DSE: variants seen among roughly 807,000 people sequenced by gnomAD.
DSE encodes dermatan-sulfate epimerase.
A neutral mutation model predicts 84.4 loss-of-function variants in DSE; 36 were observed. That is an observed-to-expected ratio of 0.43 (90% CI 0.33 to 0.56). The LOEUF (loss-of-function observed/expected upper bound fraction) is 0.56. Among genes scored for constraint, DSE ranks in the 20% least tolerant of loss-of-function variants. The pLI, the probability that DSE is intolerant of heterozygous loss-of-function variation, is 0.06. For missense variants in DSE, 862 were observed against 1,169.6 expected (o/e 0.74, Z 3.84); for synonymous variants, 410 against 430.1 (o/e 0.95, Z 0.58).
At chr6:116,374,015 C>T (rs1006279763) in intron 1 of DSE, among the ~76,000 whole-genome samples, 16 of 152,132 alleles carry the variant, frequency 1.1e-4, no homozygotes, top group Admixed American at 3.9e-4. Flanking sequence ...AAAAGGAACT[C>T]CCAAAAGACT....
At chr6:116,279,371 C>A (rs374966911) in intron 2 of DSE, 2 of 1,612,480 alleles carry the variant, frequency 1.2e-6, no homozygotes, top group Non-Finnish European at 8.5e-7. Flanking sequence ...GTCTTCACCT[C>A]CTCCGCCTCA....
chr6:116,305,135 CT>C (rs796539743), intron 2 of DSE, among the ~76,000 whole-genome samples: 89 of 145,526 alleles, frequency 6.1e-4, no homozygotes, highest in East Asian at 1.2e-3. Context: ...TCAAACTTTC[CT>C]TTTTTTTTTT....
intron 2 of DSE, among the ~76,000 whole-genome samples, chr6:116,424,134 A>G (rs1487831972): frequency 1.3e-5 from 2 of 152,240 alleles, no homozygotes; most frequent in Non-Finnish European, 1.5e-5. Context: ...TAGATGCATC[A>G]TGACATGGTA....
chr6:116,345,186 A>C (rs1777873185), intron 2 of DSE, among the ~76,000 whole-genome samples: 1 of 152,152 alleles, frequency 6.6e-6, no homozygotes, highest in South Asian at 2.1e-4. Flanking sequence ...TCAACACCCC[A>C]CTGTCAACAT....
At chr6:116,301,001 T>A (rs1241078698) in intron 2 of DSE, among the ~76,000 whole-genome samples, 1 of 152,222 alleles carries the variant, frequency 6.6e-6, no homozygotes, top group Non-Finnish European at 1.5e-5. Flanking sequence ...GGTGAAATCA[T>A]CTTACTGTGT....
At chr6:116,431,490 C>T (rs1343659680) in intron 4 of DSE, among the ~76,000 whole-genome samples, 6 of 151,888 alleles carry the variant, frequency 4.0e-5, no homozygotes, top group African/African-American at 1.5e-4. Context: ...GAGTAATATA[C>T]GAACTCATCT....
rs918825276 is a variant in DSE at position 116,440,768 on chromosome 6, A to T, written c.*3423A>T. ...ACTGGGACATATGGTCATCTTTGTC[A>T]TAGCTTAATTCAGGAAAAAAGGAGT... is the stretch of plus-strand genomic sequence containing the variant. On this transcript the variant is annotated 3_prime_UTR_variant, in exon 6 of 6. Coordinates refer to ENST00000644252, the MANE Select transcript of DSE (RefSeq NM_013352.4). 6.6e-6 allele frequency: 1 copy of T among 152,210 alleles called. No homozygotes were observed. The highest frequency in any genetic ancestry group is 2.4e-5 in the African/African-American group (1 of 41,442). The allele number at this position is 152,210 out of a possible 1,614,324, so 9.4% of individuals were successfully genotyped here. A position where few individuals can be genotyped will look rare whatever the true frequency, so the allele number is the denominator to read the frequency against.
chr6:116,372,195 G>T (rs1367522546), intron 1 of DSE, among the ~76,000 whole-genome samples: 1 of 152,168 alleles, frequency 6.6e-6, no homozygotes, highest in Non-Finnish European at 1.5e-5. Context: ...TCGGCCGGAC[G>T]CAGTGGCTCA....
chr6:116,276,097 T>C (rs571025849), intron 2 of DSE, among the ~76,000 whole-genome samples: 1 of 152,318 alleles, frequency 6.6e-6, no homozygotes, highest in South Asian at 2.1e-4. Flanking sequence ...CCCTCCAAAG[T>C]ACACTAAGTG....
At chr6:116,279,449 C>T in intron 2 of DSE, 1 of 1,613,430 alleles carries the variant, frequency 6.2e-7, no homozygotes, top group Non-Finnish European at 8.5e-7. Context: ...GCCTTCTCTC[C>T]ACCCTGAACG....
chr6:116,400,568 T>C (rs189776459), intron 2 of DSE: 27 of 152,300 alleles, frequency 1.8e-4, no homozygotes, highest in African/African-American at 5.5e-4. Context: ...GGGTGAAGGA[T>C]GGTGGTTTGC....
chr6:116,444,264 T>C lies in DSE; in HGVS notation c.*6919T>C, dbSNP rs1784514461. The C allele has an allele frequency of 6.6e-6, 1 of 152,236 alleles. No homozygotes were observed. Among genetic ancestry groups the C allele is most frequent in the South Asian group, 2.1e-4 (1 of 4,828 alleles). The allele number at this position is 152,236 out of a possible 1,614,324, so 9.4% of individuals were successfully genotyped here. A position where few individuals can be genotyped will look rare whatever the true frequency, so the allele number is the denominator to read the frequency against. On this transcript the variant is annotated 3_prime_UTR_variant, in exon 6 of 6. Coordinates refer to ENST00000644252, the MANE Select transcript of DSE (RefSeq NM_013352.4). The stretch of plus-strand genomic sequence containing the variant: ...ATCAATTGCAATAACAACTGAAAAC[T>C]GATTGCTATTACTGAACACTGCCCT...
chr6:116,279,486 C>T lies in DSE; in HGVS notation c.-54+20519C>T, dbSNP rs781676701. ...CCTTTTTCAGGCTGCGGTCGGCTGCCATCACCACAGAAGCGGCTGCCAGGC... is the reference window on the plus strand; with the variant it reads ...CCTTTTTCAGGCTGCGGTCGGCTGCTATCACCACAGAAGCGGCTGCCAGGC... On this transcript the variant is annotated intron_variant, in intron 2 of 3. Transcript: ENST00000430252. 2 of 1,611,988 alleles carry T rather than the reference C, an allele frequency of 1.2e-6. No homozygotes were observed. Among genetic ancestry groups the T allele is most frequent in the East Asian group, 4.5e-5 (2 of 44,882 alleles).
intron 2 of DSE, among the ~76,000 whole-genome samples, chr6:116,329,187 T>C (rs1203244706): frequency 6.6e-6 from 1 of 152,336 alleles, no homozygotes; most frequent in East Asian, 1.9e-4. Context: ...AACTCTCAAA[T>C]GCACATGGAC....
chr6:116,330,186 A>G (rs747296065), intron 2 of DSE, among the ~76,000 whole-genome samples: 10 of 152,356 alleles, frequency 6.6e-5, no homozygotes, highest in Middle Eastern at 6.8e-3. Flanking sequence ...TAAAATATAT[A>G]CTTTATTAAT....
At chr6:116,298,524 G>A (rs1774806369) in intron 2 of DSE, among the ~76,000 whole-genome samples, 1 of 152,184 alleles carries the variant, frequency 6.6e-6, no homozygotes, top group Admixed American at 6.6e-5. Flanking sequence ...AAGCTAGAAA[G>A]GTCAAGGAAA....
At chr6:116,364,471 G>A (rs1349014673) in intron 2 of DSE, among the ~76,000 whole-genome samples, 2 of 152,188 alleles carry the variant, frequency 1.3e-5, no homozygotes, top group Non-Finnish European at 2.9e-5. Flanking sequence ...CCTGACACGG[G>A]TAATCTCATC....
At chr6:116,423,962 A>G (rs1385141271) in intron 2 of DSE, among the ~76,000 whole-genome samples, 1 of 152,240 alleles carries the variant, frequency 6.6e-6, no homozygotes, top group East Asian at 1.9e-4. Context: ...ACATTTTCAC[A>G]GAAATTTGCA....
At chr6:116,318,130 C>T (rs147829103) in intron 2 of DSE, among the ~76,000 whole-genome samples, 1 of 152,248 alleles carries the variant, frequency 6.6e-6, no homozygotes, top group Non-Finnish European at 1.5e-5. Flanking sequence ...CTGAGGCATT[C>T]GACATTCATG....
Sources: gnomAD v4.1 joint callset for allele counts (sites outside exome capture counted in the v4.1 genomes callset) on GRCh38, gnomAD v4.1.1 for gene constraint, MANE v1.5 for transcripts, NCBI Gene and HGNC (gene_info 2026-07-23, HGNC 2026-07-21) for gene names.